The following SLIT2 variants were observed in gnomAD, a reference collection of about 807,000 sequenced individuals.
SLIT2 encodes slit guidance ligand 2.
In SLIT2, 41 loss-of-function variants were observed where a neutral mutation model predicts 185.7. The ratio of observed to expected loss-of-function variants is 0.22; its 90% confidence interval spans 0.17 to 0.29. SLIT2 has a LOEUF of 0.29. Among genes scored for constraint, SLIT2 ranks in the 10% least tolerant of loss-of-function variants. SLIT2 has a pLI of 1.00. For synonymous variants in SLIT2, 693 were observed against 680.2 expected, an observed-to-expected ratio of 1.02 and a Z score of -0.29; for missense variants, 1,571 against 1,909.0, an observed-to-expected ratio of 0.82 and a Z score of 3.30.
chr4:20,343,777 G>C (rs1422996918), intron 4 of SLIT2, among the ~76,000 whole-genome samples: 2 of 141,260 alleles, frequency 1.4e-5, no homozygotes, highest in Non-Finnish European at 3.0e-5. Context: ...AAAGTGTTGG[G>C]ATTATAGGCA....
At chr4:20,531,924 A>C (rs1176807465) in intron 16 of SLIT2, 60 bp from the exon 17 acceptor site, 1 of 904,016 alleles carries the variant, frequency 1.1e-6, no homozygotes, top group African/African-American at 1.7e-5. Flanking sequence ...TGAGAAATCA[A>C]ATTTAATCCT....
rs188881167 is a variant in SLIT2 at position 20,474,207 on chromosome 4, A to G, written c.467+6384A>G. 3.4e-3 allele frequency among the ~76,000 whole-genome samples: 510 copies of G among 152,050 alleles called. 1 individual carries two copies. The highest frequency in any genetic ancestry group is 0.012 in the African/African-American group (489 of 41,530). On this transcript the variant is annotated intron_variant, in intron 5 of 36. Transcript: ENST00000504154. ...TCTTTTATTGCCTTTCTGAAATGAAACTTACCTTCATTTCCTATGTAACTA... is the reference window on the plus strand; with the variant it reads ...TCTTTTATTGCCTTTCTGAAATGAAGCTTACCTTCATTTCCTATGTAACTA...
Position 20,403,881 on chromosome 4 carries a change from G to A in SLIT2, c.396-63871G>A, listed in dbSNP as rs138567232. On this transcript the variant is annotated intron_variant, in intron 4 of 36. Coordinates refer to ENST00000504154, the MANE Select transcript of SLIT2 (RefSeq NM_004787.4). ...ATGAAGACATTGAAGACAAGTTAAT[G>A]GCTGTTAACTGGACTTAAAAAAAAA... Among the ~76,000 whole-genome samples the A allele has an allele frequency of 5.5e-3, 778 of 141,856 alleles. 10 individuals are homozygous for A. The highest frequency in any genetic ancestry group is 0.019 in the African/African-American group (726 of 37,516). The allele number at this position is 141,856 out of a possible 152,430, so 93.1% of individuals were successfully genotyped here. A position where few individuals can be genotyped will look rare whatever the true frequency, so the allele number is the denominator to read the frequency against.
chr4:20,268,812 G>A lies in SLIT2; in HGVS notation c.326G>A (p.Arg109His), dbSNP rs369657409. ...CTTTGTTTTTGTTTTCTCAAAAGGC[G>A]TTTAAACAGAAATCACCTTCAGCTG... ...FQDLKELERL[R>H]LNRNHLQLFP... Residue 109 changes from arginine (R) to histidine (H), a missense_variant and splice_region_variant, in exon 4 of 37, where the codon CGT (arginine) becomes CAT (histidine). Physicochemically the swap from Arg to His is conservative, Grantham distance 29 (BLOSUM62 0). This residue lies in a region of SLIT2 where 1,202 missense variants were observed against 1,416.4 expected (regional missense o/e 0.85). Coordinates refer to ENST00000504154, the MANE Select transcript of SLIT2 (RefSeq NM_004787.4). 12 of 1,608,860 alleles carry A rather than the reference G, an allele frequency of 7.5e-6. No individual in the cohort carries two copies. Among genetic ancestry groups the A allele is most frequent in the South Asian group, 1.1e-5 (1 of 90,958 alleles).
chr4:20,561,661 C>A (rs1424800124), intron 26 of SLIT2, among the ~76,000 whole-genome samples: 3 of 151,434 alleles, frequency 2.0e-5, no homozygotes, highest in Non-Finnish European at 2.9e-5. Context: ...TTGGTCAAAT[C>A]TTTTTTACAT....
At chr4:20,258,196 A>G (rs547249886) in intron 3 of SLIT2, among the ~76,000 whole-genome samples, 3 of 151,844 alleles carry the variant, frequency 2.0e-5, no homozygotes, top group African/African-American at 7.2e-5. Flanking sequence ...TTTGGTACTT[A>G]AAGATGTACA....
chr4:20,360,128 C>A (rs1483986197), intron 4 of SLIT2, among the ~76,000 whole-genome samples: 2 of 152,116 alleles, frequency 1.3e-5, no homozygotes, highest in African/African-American at 4.8e-5. Flanking sequence ...CTGAAAGATA[C>A]ATAGGGATAG....
Position 20,617,195 on chromosome 4 carries a change from A to C in SLIT2, c.4133A>C (p.Asn1378Thr), listed in dbSNP as rs946442433. The C allele has an allele frequency of 6.4e-7, 1 of 1,570,862 alleles. No homozygotes were observed. The highest frequency in any genetic ancestry group is 1.8e-5 in the Admixed American group (1 of 56,702). ...DQRTNDPCLG[N>T]KCVHGTCLPI... Reference sequence around the variant, plus strand: ...CGGACCAATGACCCTTGCCTTGGAAATAAGTAAGTTCCTGCTGCTTGGGAG... The same window carrying C: ...CGGACCAATGACCCTTGCCTTGGAACTAAGTAAGTTCCTGCTGCTTGGGAG... The change falls in exon 35 of 37, where the codon AAT (asparagine) becomes ACT (threonine). Residue 1378 changes from asparagine to threonine, a missense_variant. Physicochemically the swap from Asn to Thr is moderately conservative, Grantham distance 65. This residue lies in a region of SLIT2 where 223 missense variants were observed against 245.2 expected (regional missense o/e 0.91). Coordinates refer to ENST00000504154, the MANE Select transcript of SLIT2 (RefSeq NM_004787.4).
At chr4:20,523,526 A>G (rs1721020197) in intron 12 of SLIT2, among the ~76,000 whole-genome samples, 1 of 152,218 alleles carries the variant, frequency 6.6e-6, no homozygotes, top group Non-Finnish European at 1.5e-5. Flanking sequence ...AATAATGTGT[A>G]TTGAATACAT....
At chr4:20,400,874 T>C (rs1726292943) in intron 4 of SLIT2, among the ~76,000 whole-genome samples, 1 of 151,842 alleles carries the variant, frequency 6.6e-6, no homozygotes, top group Non-Finnish European at 1.5e-5. Context: ...TTGCCATGTG[T>C]TAGTATATCC....
At chr4:20,467,257 A>G (rs1714461419) in intron 4 of SLIT2, among the ~76,000 whole-genome samples, 1 of 152,114 alleles carries the variant, frequency 6.6e-6, no homozygotes. Context: ...TTTCAAGATT[A>G]CTAGAAGTGC....
At position 20,461,138 on chromosome 4, in the gene SLIT2, G is replaced by A. The variant is rs147364514; in HGVS notation, c.396-6614G>A. 3.7e-4 allele frequency among the ~76,000 whole-genome samples: 57 copies of A among 152,280 alleles called. 1 individual carries two copies. The highest frequency in any genetic ancestry group is 1.0e-3 in the African/African-American group (42 of 41,558). On this transcript the variant is annotated intron_variant, in intron 4 of 36. Coordinates refer to ENST00000504154, the MANE Select transcript of SLIT2 (RefSeq NM_004787.4). ...AGGCTCAGCTGAGGAGTTGGTCTGCGTCTTGAACAATGTTTAACTCTCCAT... is the reference window on the plus strand; with the variant it reads ...AGGCTCAGCTGAGGAGTTGGTCTGCATCTTGAACAATGTTTAACTCTCCAT...
chr4:20,379,214 A>T (rs904822450), intron 4 of SLIT2, among the ~76,000 whole-genome samples: 1 of 152,036 alleles, frequency 6.6e-6, no homozygotes, highest in Non-Finnish European at 1.5e-5. Flanking sequence ...TAAAGATACT[A>T]CTCTGCATGG....
intron 4 of SLIT2, among the ~76,000 whole-genome samples, chr4:20,289,741 G>A (rs962504160): frequency 2.0e-5 from 3 of 152,200 alleles, no homozygotes; most frequent in Non-Finnish European, 4.4e-5. Flanking sequence ...ACACAAGGTA[G>A]ACTGGCAGAT....
chr4:20,559,170 A>C (rs1025834885), intron 26 of SLIT2, among the ~76,000 whole-genome samples: 2 of 152,032 alleles, frequency 1.3e-5, no homozygotes, highest in Non-Finnish European at 1.5e-5. Flanking sequence ...AAACTTGTTA[A>C]TTGTCAGATG....
intron 7 of SLIT2, among the ~76,000 whole-genome samples, chr4:20,487,569 T>C (rs1717363839): frequency 6.6e-6 from 1 of 152,180 alleles, no homozygotes; most frequent in Admixed American, 6.5e-5. Flanking sequence ...TATAATGTGC[T>C]TGGTTTAGAC....
chr4:20,297,140 T>C (rs543194976), intron 4 of SLIT2, among the ~76,000 whole-genome samples: 56 of 152,336 alleles, frequency 3.7e-4, no homozygotes, highest in Non-Finnish European at 6.8e-4. Context: ...TTCTTGGTAC[T>C]CATTTCTTTT....
In SLIT2 at chr4:20,464,608, G is replaced by A. The variant is rs1387901263; in HGVS notation, c.396-3144G>A. ...TGCTGTCAGTAATGTCTCACTCAGCGCACCATTGATTTGTCCTTTCCACCC... is the reference window on the plus strand; with the variant it reads ...TGCTGTCAGTAATGTCTCACTCAGCACACCATTGATTTGTCCTTTCCACCC... On this transcript the variant is annotated intron_variant, in intron 4 of 36. Transcript: ENST00000504154. Among the ~76,000 whole-genome samples, 4 of 152,178 alleles carry A rather than the reference G, an allele frequency of 2.6e-5. No homozygotes were observed. The East Asian group carries it at 7.7e-4, about 29-fold the overall frequency.
At position 20,591,674 on chromosome 4, in the gene SLIT2, C is replaced by T. The variant is rs111630404; in HGVS notation, c.3182+1937C>T. 3.2e-3 allele frequency among the ~76,000 whole-genome samples: 491 copies of T among 151,366 alleles called. 5 individuals carry two copies. The highest frequency in any genetic ancestry group is 0.011 in the African/African-American group (457 of 41,282). On this transcript the variant is annotated intron_variant, in intron 30 of 36. Transcript: ENST00000504154. ...GTTTTTAGTCTTCATATCAATGATG[C>T]GCTCACAATTTAATTTGGCAAATTG...
Sources: allele counts gnomAD v4.1 joint callset (sites outside exome capture counted in the v4.1 genomes callset), GRCh38; gene constraint gnomAD v4.1.1; regional missense constraint gnomAD v4.1.1; transcripts MANE v1.5; gene names NCBI Gene and HGNC (gene_info 2026-07-23, HGNC 2026-07-21).